The following CDCA2 variants were observed in gnomAD, a reference collection of about 807,000 sequenced individuals.
The protein encoded by CDCA2 is cell division cycle associated 2.
In CDCA2, 44 loss-of-function variants were observed where a neutral mutation model predicts 67.0. The ratio of observed to expected loss-of-function variants is 0.66; its 90% CI spans 0.52 to 0.84. CDCA2 has a LOEUF of 0.84. Ranked by LOEUF, CDCA2 falls within the 40% of genes least tolerant of loss-of-function variation. The pLI is 0.00. For synonymous variants in CDCA2, 447 were observed against 418.7 expected, an observed-to-expected ratio of 1.07 and a Z score of -0.82; for missense variants, 1,253 against 1,203.2, an observed-to-expected ratio of 1.04 and a Z score of -0.61.
At chr8:25,499,322 T>TG (rs1491168422) in intron 13 of CDCA2, among the ~76,000 whole-genome samples, 1 of 75,124 alleles carries the variant, frequency 1.3e-5, no homozygotes. Context: ...TTTTTTTTTT[T>TG]GAGACAGAGT....
chr8:25,461,674 A>G lies in CDCA2; in HGVS notation c.233-380A>G, dbSNP rs551932608. On this transcript the variant is annotated intron_variant, in intron 3 of 14. Transcript: ENST00000330560. ...TGAGACTGCATGTACCTAGGTGGAGATCTTACCTTTCAGTTGCTGGGGATA... is the reference window on the plus strand; with the variant it reads ...TGAGACTGCATGTACCTAGGTGGAGGTCTTACCTTTCAGTTGCTGGGGATA... Among the ~76,000 whole-genome samples, 65 of 152,334 alleles carry G rather than the reference A, an allele frequency of 4.3e-4. 2 individuals are homozygous for G. The highest frequency in any genetic ancestry group is 2.0e-4 in the Admixed American group (3 of 15,300).
intron 14 of CDCA2, among the ~76,000 whole-genome samples, chr8:25,505,399 C>T (rs1412414002): frequency 7.2e-5 from 11 of 152,102 alleles, no homozygotes; most frequent in Non-Finnish European, 1.2e-4. Flanking sequence ...CGGGGTTTCA[C>T]CATGTTGGCC....
chr8:25,499,294 A>ATTTT lies in CDCA2; in HGVS notation c.1672-4054_1672-4051dup, dbSNP rs34849682. On this transcript the variant is annotated intron_variant, in intron 13 of 14. Coordinates refer to ENST00000330560, the MANE Select transcript of CDCA2 (RefSeq NM_152562.4). The stretch of plus-strand genomic sequence containing the variant: ...GTGTGATTTGTTGCCATGTCCATGA[A>ATTTT]TTTTTTTTTTTTTTTTTTTTTTTTT... Among the ~76,000 whole-genome samples, 3 of 83,202 alleles carry ATTTT rather than the reference A, an allele frequency of 3.6e-5. 1 individual carries two copies. The highest frequency in any genetic ancestry group is 9.8e-5 in the African/African-American group (2 of 20,476). The allele number at this position is 83,202 out of a possible 152,430, so 54.6% of individuals were successfully genotyped here. A position where few individuals can be genotyped will look rare whatever the true frequency, so the allele number is the denominator to read the frequency against.
chr8:25,468,139 A>T, intron 5 of CDCA2, 78 bp from the exon 6 acceptor site: 4 of 558,552 alleles, frequency 7.2e-6, no homozygotes, highest in Non-Finnish European at 7.4e-6. Context: ...AAAAAAAAAA[A>T]GAAAAGAAAA....
chr8:25,488,148 T>G (rs890813118), intron 12 of CDCA2, among the ~76,000 whole-genome samples: 32 of 152,184 alleles, frequency 2.1e-4, no homozygotes, highest in African/African-American at 7.7e-4. Context: ...TATGGGGTAT[T>G]TAGCTTATAG....
intron 13 of CDCA2, among the ~76,000 whole-genome samples, chr8:25,491,788 T>C (rs1212414727): frequency 6.6e-6 from 1 of 151,802 alleles, no homozygotes; most frequent in East Asian, 1.9e-4. Context: ...GGCTAGTGTT[T>C]TTTGTTTGTT....
chr8:25,499,793 G>A (rs907064931), intron 13 of CDCA2, among the ~76,000 whole-genome samples: 12 of 152,144 alleles, frequency 7.9e-5, no homozygotes, highest in African/African-American at 2.2e-4. Flanking sequence ...GTTCTTTGGC[G>A]ATTCTAAGCC....
At chr8:25,473,182 G>A (rs1803224900) in intron 7 of CDCA2, among the ~76,000 whole-genome samples, 1 of 152,168 alleles carries the variant, frequency 6.6e-6, no homozygotes, top group African/African-American at 2.4e-5. Context: ...GCAAATGAGA[G>A]TCTCCTCGCT....
intron 13 of CDCA2, among the ~76,000 whole-genome samples, chr8:25,491,556 A>G (rs1434913760): frequency 6.6e-6 from 1 of 152,238 alleles, no homozygotes; most frequent in Non-Finnish European, 1.5e-5. Flanking sequence ...CGAGTATTCT[A>G]CACCCAGCCA....
intron 7 of CDCA2, 99 bp from the exon 8 acceptor site, chr8:25,479,814 C>T (rs944056815): frequency 1.8e-6 from 2 of 1,105,204 alleles, no homozygotes; most frequent in East Asian, 4.8e-5. Context: ...TGAATTTCTT[C>T]ATAGCATGTT....
rs1468639428 is a variant in CDCA2 at position 25,467,065 on chromosome 8, A to AAAAC, written c.538+741_538+742insAACA. On this transcript the variant is annotated intron_variant, in intron 5 of 14. Coordinates refer to ENST00000330560, the MANE Select transcript of CDCA2 (RefSeq NM_152562.4). ...TCAAAAAAAAAAAAAAAAAAAAAAAAACACACACACACACACAAATATATC... is the reference window on the plus strand; with the variant it reads ...TCAAAAAAAAAAAAAAAAAAAAAAAAAAACACACACACACACACACAAATATATC... 6.3e-3 allele frequency among the ~76,000 whole-genome samples: 800 copies of AAAAC among 126,036 alleles called. 8 individuals are homozygous for AAAAC. Among genetic ancestry groups the AAAAC allele is most frequent in the Non-Finnish European group, 9.9e-3 (621 of 62,684 alleles). 82.7% of individuals were successfully genotyped at this position (126,036 alleles called of 152,430 possible).
chr8:25,478,888 G>GTATATA (rs71511103), intron 7 of CDCA2, among the ~76,000 whole-genome samples: 6 of 111,602 alleles, frequency 5.4e-5, no homozygotes, highest in South Asian at 2.8e-4. Context: ...TTGTGTGTGT[G>GTATATA]TATATATATA....
At chr8:25,467,978 C>T (rs1302958437) in intron 5 of CDCA2, among the ~76,000 whole-genome samples, 1 of 151,708 alleles carries the variant, frequency 6.6e-6, no homozygotes, top group Non-Finnish European at 1.5e-5. Context: ...ATTAGCCAGG[C>T]ATGGTGGCAT....
Position 25,466,210 on chromosome 8 carries a change from A to G in CDCA2, c.423A>G (p.Leu141=). The change falls in exon 5 of 15, where the codon TTA becomes TTG. Residue 141 remains leucine (L), a synonymous_variant. Transcript: ENST00000330560. Reference sequence around the variant, plus strand: ...CACTGTATCGAAATGTTAACACTTTAAGAGAACGAATATCAGCCTTCCAGT... The same window carrying G: ...CACTGTATCGAAATGTTAACACTTTGAGAGAACGAATATCAGCCTTCCAGT... ...SPALYRNVNT[L]RERISAFQSA... 4 of 1,611,514 alleles carry G rather than the reference A, an allele frequency of 2.5e-6. No homozygotes were observed. The highest frequency in any genetic ancestry group is 3.4e-6 in the Non-Finnish European group (4 of 1,179,468).
At chr8:25,483,352 ATG>A in intron 8 of CDCA2, 45 bp from the exon 9 acceptor site, 1 of 1,263,270 alleles carries the variant, frequency 7.9e-7, no homozygotes, top group Non-Finnish European at 1.1e-6. Context: ...GATGACGTCT[ATG>A]TATTTCTATA....
Position 25,506,718 on chromosome 8 carries a change from C to T in CDCA2, c.2052C>T (p.Asn684=). The change falls in exon 15 of 15, where the codon AAC becomes AAT. Residue 684 remains asparagine, a synonymous_variant. Coordinates refer to ENST00000330560, the MANE Select transcript of CDCA2 (RefSeq NM_152562.4). ...AAGATCCAAATACAAATATAATGAA[C>T]ATTAATGAAAATAAAAATATTCCAA... ...SDEDPNTNIM[N]INENKNIPKA... 1 of 1,611,294 alleles carries T rather than the reference C, an allele frequency of 6.2e-7. No individual in the cohort carries two copies.
chr8:25,478,888 G>GTGTGTATATATATATATATA (rs1006353040), intron 7 of CDCA2, among the ~76,000 whole-genome samples: 35 of 111,592 alleles, frequency 3.1e-4, no homozygotes, highest in African/African-American at 1.4e-3. Context: ...TTGTGTGTGT[G>GTGTGTATATATATATATATA]TATATATATA....
chr8:25,473,230 C>G (rs887086077), intron 7 of CDCA2, among the ~76,000 whole-genome samples: 2 of 152,094 alleles, frequency 1.3e-5, no homozygotes, highest in Non-Finnish European at 2.9e-5. Context: ...TGTATATATA[C>G]CACGTTTTCT....
chr8:25,462,253 C>T, intron 4 of CDCA2, 45 bp downstream of exon 4: 1 of 1,586,280 alleles, frequency 6.3e-7, no homozygotes, highest in Non-Finnish European at 8.6e-7. Flanking sequence ...GTTAATGAAG[C>T]TTTTGTGCTT....
Sources: allele counts gnomAD v4.1 joint callset (sites outside exome capture counted in the v4.1 genomes callset), GRCh38; gene constraint gnomAD v4.1.1; transcripts MANE v1.5; gene names NCBI Gene and HGNC (gene_info 2026-07-23, HGNC 2026-07-21).